KIF5C: variants seen among roughly 807,000 people sequenced by gnomAD.
KIF5C encodes kinesin heavy chain isoform 5C.
KIF5C carries 18 observed loss-of-function variants against 125.2 expected under a neutral mutation model. The ratio of observed to expected loss-of-function variants is 0.14; its 90% CI spans 0.10 to 0.21. KIF5C has a LOEUF of 0.21. Among genes scored for constraint, KIF5C ranks in the 10% least tolerant of loss-of-function variants. KIF5C has a pLI of 1.00. For missense variants in KIF5C, 780 were observed against 1,183.8 expected (o/e 0.66, Z 5.01); for synonymous variants, 405 against 434.0 (o/e 0.93, Z 0.83).
intron 17 of KIF5C, among the ~76,000 whole-genome samples, chr2:148,996,721 A>G (rs780233530): frequency 6.6e-6 from 1 of 152,158 alleles, no homozygotes; most frequent in African/African-American, 2.4e-5. Context: ...CAAAAATGTT[A>G]TGCTATCTTT....
intron 4 of KIF5C, among the ~76,000 whole-genome samples, chr2:148,940,223 A>G (rs967940881): frequency 6.6e-6 from 1 of 152,206 alleles, no homozygotes; most frequent in Admixed American, 6.5e-5. Context: ...GGTCAGACAG[A>G]CCCATAAGGA....
In KIF5C at chr2:148,931,652, G is replaced by A. The variant is rs187335282; in HGVS notation, c.291+2298G>A. 1.8e-3 allele frequency among the ~76,000 whole-genome samples: 277 copies of A among 152,206 alleles called. 3 individuals are homozygous for A. The highest frequency in any genetic ancestry group is 0.018 in the South Asian group (85 of 4,816). ...CGCTCCAGCCTGGGTGACAGAACAAGACTCCGTCTCAAAAAAAATAGTAAT... is the reference window on the plus strand; with the variant it reads ...CGCTCCAGCCTGGGTGACAGAACAAAACTCCGTCTCAAAAAAAATAGTAAT... On this transcript the variant is annotated intron_variant, in intron 3 of 25. Transcript: ENST00000435030.
intron 1 of KIF5C, chr2:148,885,413 T>C (rs1558871546): frequency 6.6e-6 from 1 of 152,248 alleles, no homozygotes; most frequent in African/African-American, 2.4e-5. Flanking sequence ...CCTTAGCTTG[T>C]GTAAGCGTCA....
At chr2:149,005,760 A>C (rs1437269111) in intron 22 of KIF5C, among the ~76,000 whole-genome samples, 1 of 152,328 alleles carries the variant, frequency 6.6e-6, no homozygotes, top group East Asian at 1.9e-4. Flanking sequence ...TGCTCTTGAC[A>C]CAGAAACATT....
At chr2:149,019,598 A>G (rs939905097) in intron 25 of KIF5C, among the ~76,000 whole-genome samples, 6 of 152,336 alleles carry the variant, frequency 3.9e-5, no homozygotes, top group Admixed American at 3.9e-4. Flanking sequence ...ATAAATTCAG[A>G]GCAACTAAAA....
intron 2 of KIF5C, among the ~76,000 whole-genome samples, chr2:148,927,246 G>A (rs1682037765): frequency 6.6e-6 from 1 of 152,166 alleles, no homozygotes; most frequent in Non-Finnish European, 1.5e-5. Context: ...GAGGCCTCGG[G>A]TGTGGCCTAA....
intron 10 of KIF5C, among the ~76,000 whole-genome samples, chr2:148,953,990 C>A (rs1239369392): frequency 6.6e-6 from 1 of 152,152 alleles, no homozygotes; most frequent in Non-Finnish European, 1.5e-5. Flanking sequence ...ATCAACCCGT[C>A]ACCTACATTA....
At chr2:149,010,501 T>C in intron 24 of KIF5C, 150 bp downstream of exon 24, 1 of 1,368,388 alleles carries the variant, frequency 7.3e-7, no homozygotes, top group Non-Finnish European at 9.6e-7. Context: ...CACCGCACCC[T>C]GTGCTCACCC....
intron 15 of KIF5C, among the ~76,000 whole-genome samples, chr2:148,990,055 A>G (rs1681484830): frequency 6.9e-6 from 1 of 145,142 alleles, no homozygotes; most frequent in Non-Finnish European, 1.5e-5. Context: ...GATTCTGGAC[A>G]GGGCTCTTTG....
chr2:149,015,820 T>C (rs57448174), intron 25 of KIF5C, among the ~76,000 whole-genome samples: 6,951 of 152,274 alleles, frequency 0.046, 402 homozygotes, highest in African/African-American at 0.13. Flanking sequence ...GATCAGGCAT[T>C]GAGAGCCTAG....
At chr2:148,998,548 A>G in intron 19 of KIF5C, 39 bp downstream of exon 19, 1 of 1,550,320 alleles carries the variant, frequency 6.5e-7, no homozygotes, top group Non-Finnish European at 8.7e-7. Context: ...GGGGGTGGTC[A>G]TGCCTCGGTC....
intron 3 of KIF5C, among the ~76,000 whole-genome samples, chr2:148,932,723 C>T (rs1231101183): frequency 6.6e-6 from 1 of 152,180 alleles, no homozygotes; most frequent in Non-Finnish European, 1.5e-5. Context: ...GCTTGGAGGT[C>T]ATCTGAATGG....
chr2:148,991,500 A>G (rs918497224), intron 16 of KIF5C, among the ~76,000 whole-genome samples: 1 of 152,148 alleles, frequency 6.6e-6, no homozygotes, highest in African/African-American at 2.4e-5. Context: ...AACTCCTGTA[A>G]GTAAGGCAAT....
At chr2:148,942,474 A>G (rs544946336) in intron 6 of KIF5C, among the ~76,000 whole-genome samples, 199 bp from the exon 7 acceptor site, 46 of 152,302 alleles carry the variant, frequency 3.0e-4, no homozygotes, top group Admixed American at 1.2e-3. Context: ...GTTTACGTCT[A>G]TATTTCCTAG....
At chr2:148,916,836 G>A (rs540508439) in intron 1 of KIF5C, among the ~76,000 whole-genome samples, 1 of 152,254 alleles carries the variant, frequency 6.6e-6, no homozygotes, top group South Asian at 2.1e-4. Flanking sequence ...GGAACTTCTA[G>A]AGCACTGGAT....
chr2:148,958,747 TG>T (rs1383016521), intron 10 of KIF5C, among the ~76,000 whole-genome samples: 1 of 152,056 alleles, frequency 6.6e-6, no homozygotes, highest in Non-Finnish European at 1.5e-5. Flanking sequence ...TTTGGGAGGT[TG>T]AGGTAGGCGG....
chr2:148,991,665 C>A (rs1377940019), intron 16 of KIF5C, among the ~76,000 whole-genome samples: 1 of 152,042 alleles, frequency 6.6e-6, no homozygotes, highest in African/African-American at 2.4e-5. Flanking sequence ...CTCACTTAAT[C>A]TGAAAAAAAT....
In KIF5C at chr2:149,011,689, TCCCATG is replaced by T; in HGVS notation, c.*7+7_*7+12del. On this transcript the variant is annotated splice_region_variant and intron_variant, in intron 25 of 25. Transcript: ENST00000435030. ...CTACCAGAAATAAATACAAAGTGAG[TCCCATG>T]TCAAGGGTGGTTTCTCTATCTGGAG... 3 of 1,613,920 alleles carry T rather than the reference TCCCATG, an allele frequency of 1.9e-6. No individual in the cohort carries two copies. Among genetic ancestry groups the T allele is most frequent in the Non-Finnish European group, 2.5e-6 (3 of 1,179,882 alleles).
intron 1 of KIF5C, among the ~76,000 whole-genome samples, chr2:148,906,591 A>G (rs909649983): frequency 3.3e-5 from 5 of 152,118 alleles, no homozygotes; most frequent in Admixed American, 3.3e-4. Context: ...GAAGTCAGGC[A>G]TGCTGGTGCA....
Sources: allele counts gnomAD v4.1 joint callset (sites outside exome capture counted in the v4.1 genomes callset), GRCh38; gene constraint gnomAD v4.1.1; transcripts MANE v1.5; gene names NCBI Gene and HGNC (gene_info 2026-07-23, HGNC 2026-07-21).